CSMD3: variants seen among roughly 807,000 people sequenced by gnomAD.
CSMD3 encodes the protein CUB and sushi domain-containing protein 3.
CSMD3 carries 177 observed loss-of-function variants against 435.2 expected under a neutral mutation model. The ratio of observed to expected loss-of-function variants is 0.41; its 90% CI spans 0.36 to 0.46. The LOEUF (loss-of-function observed/expected upper bound fraction) is 0.46. Among genes scored for constraint, CSMD3 ranks in the 20% least tolerant of loss-of-function variants. The pLI is 0.34. For missense variants in CSMD3, 4,265 were observed against 4,504.6 expected (o/e 0.95, Z 1.52); for synonymous variants, 1,656 against 1,520.5 (o/e 1.09, Z -2.07).
rs112868828 is a variant in CSMD3 at position 112,456,502 on chromosome 8, A to C, written c.5395+16089T>G. On this transcript the variant is annotated intron_variant, in intron 32 of 70. Transcript: ENST00000297405. ...AGAGGGGAAGCTTATTATCTAAAGAAAATAAATGGAAAAAATACCTGTTTA... is the reference window on the plus strand; with the variant it reads ...AGAGGGGAAGCTTATTATCTAAAGACAATAAATGGAAAAAATACCTGTTTA... Among the ~76,000 whole-genome samples the C allele has an allele frequency of 5.4e-3, 779 of 143,508 alleles. 2 individuals carry two copies. The highest frequency in any genetic ancestry group is 0.018 in the African/African-American group (743 of 41,226). The allele number at this position is 143,508 out of a possible 152,430, so 94.1% of individuals were successfully genotyped here.
At chr8:112,929,426 A>G (rs2130695705) in intron 9 of CSMD3, among the ~76,000 whole-genome samples, 1 of 152,206 alleles carries the variant, frequency 6.6e-6, no homozygotes, top group East Asian at 1.9e-4. Flanking sequence ...ATTTAGTACA[A>G]CTATTAAAAA....
At chr8:113,315,487 T>C (rs2093902346) in intron 1 of CSMD3, among the ~76,000 whole-genome samples, 1 of 151,770 alleles carries the variant, frequency 6.6e-6, no homozygotes, top group Admixed American at 6.6e-5. Context: ...TCTGTATTTG[T>C]TCCATGGAAA....
chr8:112,349,134 A>G (rs1346842991), intron 40 of CSMD3, among the ~76,000 whole-genome samples: 2 of 152,112 alleles, frequency 1.3e-5, no homozygotes, highest in African/African-American at 2.4e-5. Context: ...AATAAATATA[A>G]AATTATGAAG....
At chr8:113,337,272 T>A (rs1475313287) in intron 1 of CSMD3, among the ~76,000 whole-genome samples, 2 of 152,056 alleles carry the variant, frequency 1.3e-5, no homozygotes. Context: ...ATATATAACA[T>A]AGAGGGTTTT....
chr8:112,331,356 CA>C (rs1824034409), intron 45 of CSMD3, among the ~76,000 whole-genome samples: 1 of 151,906 alleles, frequency 6.6e-6, no homozygotes, highest in Non-Finnish European at 1.5e-5. Flanking sequence ...AACATTTCCT[CA>C]AATGAGAAAA....
At chr8:113,285,452 G>A (rs1280595260) in intron 2 of CSMD3, among the ~76,000 whole-genome samples, 1 of 151,970 alleles carries the variant, frequency 6.6e-6, no homozygotes, top group African/African-American at 2.4e-5. Context: ...GTAGAGACGG[G>A]GTTTCACCGT....
At chr8:113,081,447 A>G (rs2089558979) in intron 5 of CSMD3, among the ~76,000 whole-genome samples, 1 of 152,252 alleles carries the variant, frequency 6.6e-6, no homozygotes, top group Admixed American at 6.5e-5. Context: ...AAAGGTAAGC[A>G]GAAGATCCTC....
chr8:112,300,523 T>C (rs1323200546), intron 53 of CSMD3, among the ~76,000 whole-genome samples: 1 of 152,074 alleles, frequency 6.6e-6, no homozygotes, highest in East Asian at 1.9e-4. Context: ...CTCATCCATA[T>C]GCCCAACCTT....
intron 3 of CSMD3, among the ~76,000 whole-genome samples, chr8:113,182,523 A>T (rs202005872): frequency 0.35 from 53,577 of 151,280 alleles, 10,466 homozygotes; most frequent in East Asian, 0.7. Context: ...TGCTGCCAAA[A>T]AAAAAAACAA....
rs537447553 is a variant in CSMD3, at chr8:112,955,119, T to A, written c.1343-358A>T. Among the ~76,000 whole-genome samples the A allele has an allele frequency of 2.0e-5, 3 of 151,776 alleles. No homozygotes were observed. The East Asian group carries it at 5.8e-4, about 29-fold the overall frequency. ...ATAAATTAAACTAGCAAAGTAAAAA[T>A]GCTGGAGTATTAGAATAGTGGGAAG... is the stretch of plus-strand genomic sequence containing the variant. On this transcript the variant is annotated intron_variant, in intron 7 of 70. Coordinates refer to ENST00000297405, the MANE Select transcript of CSMD3 (RefSeq NM_198123.2).
intron 22 of CSMD3, among the ~76,000 whole-genome samples, chr8:112,634,064 G>C (rs1305020372): frequency 6.6e-6 from 1 of 151,896 alleles, no homozygotes; most frequent in Non-Finnish European, 1.5e-5. Flanking sequence ...ACTAAATAAT[G>C]ATTTTTTAAA....
At chr8:112,558,839 C>T (rs139275622) in intron 24 of CSMD3, among the ~76,000 whole-genome samples, 14 of 151,884 alleles carry the variant, frequency 9.2e-5, no homozygotes, top group African/African-American at 2.4e-4. Context: ...ATGTCAATTG[C>T]AAATATAACT....
intron 13 of CSMD3, among the ~76,000 whole-genome samples, chr8:112,709,610 C>T (rs927839851): frequency 9.2e-5 from 14 of 152,062 alleles, no homozygotes; most frequent in African/African-American, 3.1e-4. Flanking sequence ...CTAGTCCTTT[C>T]TGAAGCTTAT....
chr8:112,640,615 T>C (rs1161868884), intron 20 of CSMD3, among the ~76,000 whole-genome samples: 3 of 151,786 alleles, frequency 2.0e-5, no homozygotes, highest in African/African-American at 4.8e-5. Flanking sequence ...CTCCTCTCTA[T>C]AATTGGCAGC....
intron 22 of CSMD3, among the ~76,000 whole-genome samples, chr8:112,598,827 T>C (rs973526155): frequency 1.1e-4 from 16 of 152,312 alleles, no homozygotes; most frequent in African/African-American, 3.9e-4. Context: ...TGTAGAAAGC[T>C]GAAATAGGAT....
intron 5 of CSMD3, among the ~76,000 whole-genome samples, chr8:113,048,281 G>T (rs1306389687): frequency 6.6e-6 from 1 of 151,982 alleles, no homozygotes; most frequent in Non-Finnish European, 1.5e-5. Context: ...TTTTAGTAGA[G>T]ACGGGGTTTC....
chr8:112,879,548 T>C (rs1251669334), intron 10 of CSMD3, among the ~76,000 whole-genome samples: 2 of 152,100 alleles, frequency 1.3e-5, no homozygotes, highest in African/African-American at 4.8e-5. Flanking sequence ...CACACCCTAT[T>C]AGTACACTCC....
chr8:112,746,822 G>C (rs1475325774), intron 13 of CSMD3, among the ~76,000 whole-genome samples: 1 of 152,090 alleles, frequency 6.6e-6, no homozygotes, highest in Non-Finnish European at 1.5e-5. Context: ...AGTGGAAGGA[G>C]AGAGAAAAAG....
At chr8:113,263,255 T>C (rs947160093) in intron 3 of CSMD3, among the ~76,000 whole-genome samples, 1 of 152,028 alleles carries the variant, frequency 6.6e-6, no homozygotes, top group African/African-American at 2.4e-5. Context: ...GAAATTATTA[T>C]AACTGCAAAT....
Sources: allele counts gnomAD v4.1 joint callset (sites outside exome capture counted in the v4.1 genomes callset), GRCh38; gene constraint gnomAD v4.1.1; transcripts MANE v1.5; gene names NCBI Gene and HGNC (gene_info 2026-07-23, HGNC 2026-07-21).